SLC44A5: variants seen among roughly 807,000 people sequenced by gnomAD.
SLC44A5 encodes the protein choline transporter-like protein 5.
Under a neutral mutation model 101.8 loss-of-function variants are expected in SLC44A5, and 57 were observed. The ratio of observed to expected loss-of-function variants is 0.56; its 90% confidence interval spans 0.45 to 0.70. The LOEUF (loss-of-function observed/expected upper bound fraction) is 0.70. Among genes scored for constraint, SLC44A5 ranks in the 30% least tolerant of loss-of-function variants. The pLI, the probability that SLC44A5 is intolerant of heterozygous loss-of-function variation, is 0.00. For synonymous variants in SLC44A5, 281 were observed against 290.9 expected (o/e 0.97, Z 0.35); for missense variants, 737 against 853.1 (o/e 0.86, Z 1.70).
At chr1:75,469,480 T>A (rs546341468) in intron 2 of SLC44A5, among the ~76,000 whole-genome samples, 4 of 152,034 alleles carry the variant, frequency 2.6e-5, no homozygotes, top group Non-Finnish European at 4.4e-5. Context: ...AAAAGTGTAG[T>A]GAATTTCTTC....
intron 2 of SLC44A5, among the ~76,000 whole-genome samples, chr1:75,504,991 C>A (rs1669167365): frequency 6.6e-6 from 1 of 152,014 alleles, no homozygotes; most frequent in African/African-American, 2.4e-5. Flanking sequence ...CAGCTCTTTC[C>A]TCTTCCCCCT....
intron 1 of SLC44A5, among the ~76,000 whole-genome samples, chr1:75,593,751 A>G (rs1674484677): frequency 6.6e-6 from 1 of 152,098 alleles, no homozygotes; most frequent in African/African-American, 2.4e-5. Flanking sequence ...GACGAGTGTC[A>G]CATGTTCTCA....
chr1:75,398,404 T>C (rs1194549305), intron 2 of SLC44A5: 4 of 985,352 alleles, frequency 4.1e-6, no homozygotes, highest in Non-Finnish European at 3.6e-6. Flanking sequence ...GCAGGAAGCA[T>C]GTCAGTAATC....
intron 1 of SLC44A5, among the ~76,000 whole-genome samples, chr1:75,548,830 G>C (rs1237165716): frequency 1.3e-5 from 2 of 152,124 alleles, no homozygotes; most frequent in African/African-American, 4.8e-5. Flanking sequence ...GTCATAATTT[G>C]ACCACAGCCA....
intron 5 of SLC44A5, among the ~76,000 whole-genome samples, chr1:75,289,764 A>C (rs1653379759): frequency 6.6e-6 from 1 of 152,164 alleles, no homozygotes; most frequent in Non-Finnish European, 1.5e-5. Context: ...GACTAGGGTA[A>C]ATTTTTCTGG....
At position 75,263,427 on chromosome 1, in the gene SLC44A5, G is replaced by A. The variant is rs141288161; in HGVS notation, c.260+11531C>T. ...AGACAAATAAAATCAAAACCACAAT[G>A]AGATACCATCTCATGCCAGTTAGAA... On this transcript the variant is annotated intron_variant, in intron 6 of 23. Transcript: ENST00000370859. Among the ~76,000 whole-genome samples, 49 of 152,250 alleles carry A rather than the reference G, an allele frequency of 3.2e-4. No individual in the cohort carries two copies. In the East Asian group the frequency reaches 9.3e-3, roughly 29 times the overall value.
intron 1 of SLC44A5, among the ~76,000 whole-genome samples, chr1:75,549,041 G>A (rs541328068): frequency 3.9e-5 from 6 of 152,154 alleles, no homozygotes; most frequent in East Asian, 1.9e-4. Flanking sequence ...AACAATCCTC[G>A]TTGAAGACAG....
At chr1:75,317,370 A>G (rs1251045854) in intron 4 of SLC44A5, among the ~76,000 whole-genome samples, 1 of 152,232 alleles carries the variant, frequency 6.6e-6, no homozygotes. Context: ...AATGCCAGAG[A>G]CATAGTGTTC....
intron 2 of SLC44A5, among the ~76,000 whole-genome samples, chr1:75,539,035 C>A (rs1671204676): frequency 1.3e-5 from 2 of 152,146 alleles, no homozygotes; most frequent in African/African-American, 4.8e-5. Context: ...GAACCCACTC[C>A]AAAGAGTAAC....
chr1:75,457,750 G>C (rs549869946), intron 2 of SLC44A5, among the ~76,000 whole-genome samples: 42 of 152,254 alleles, frequency 2.8e-4, no homozygotes, highest in African/African-American at 9.6e-4. Flanking sequence ...CCAGCTACTA[G>C]GGAGGCTGAG....
rs1662134304 is a variant in SLC44A5, at chr1:75,396,564, T to C, written c.52+19A>G. On this transcript the variant is annotated intron_variant, in intron 3 of 23. Transcript: ENST00000370859. Reference sequence around the variant, plus strand: ...GTCATGAAAGATTCTTAGCACTTAATACTCAGACTATGACTTACCAAAGTC... The same window carrying C: ...GTCATGAAAGATTCTTAGCACTTAACACTCAGACTATGACTTACCAAAGTC... The C allele has an allele frequency of 6.3e-7, 1 of 1,592,664 alleles. No homozygotes were observed. Among genetic ancestry groups the C allele is most frequent in the East Asian group, 2.2e-5 (1 of 44,680 alleles).
the SLC44A5 span, among the ~76,000 whole-genome samples, chr1:75,683,941 A>T: frequency 6.6e-6 from 1 of 152,086 alleles, no homozygotes; most frequent in African/African-American, 2.4e-5. Context: ...GACAAAATTG[A>T]TGTATTAGTT....
At chr1:75,539,522 A>G (rs936488856) in intron 2 of SLC44A5, among the ~76,000 whole-genome samples, 1 of 151,878 alleles carries the variant, frequency 6.6e-6, no homozygotes, top group Admixed American at 6.6e-5. Flanking sequence ...GATCTACGTT[A>G]TTTTCTATGC....
the SLC44A5 span, among the ~76,000 whole-genome samples, chr1:75,675,119 T>G: frequency 6.6e-6 from 1 of 152,182 alleles, no homozygotes; most frequent in Non-Finnish European, 1.5e-5. Flanking sequence ...TCATACGAAT[T>G]TTAAAATATT....
intron 2 of SLC44A5, among the ~76,000 whole-genome samples, chr1:75,493,172 T>C (rs1245107335): frequency 1.3e-5 from 2 of 152,122 alleles, no homozygotes; most frequent in Non-Finnish European, 2.9e-5. Flanking sequence ...ATTAGTTGAG[T>C]TAATAAAGCC....
At chr1:75,280,518 CT>C (rs1293041109) in intron 5 of SLC44A5, among the ~76,000 whole-genome samples, 3 of 120,932 alleles carry the variant, frequency 2.5e-5, no homozygotes, top group Non-Finnish European at 4.9e-5. Context: ...AAAAAAACAC[CT>C]TTTCTTTATT....
chr1:75,333,842 G>A (rs1657241420), intron 4 of SLC44A5, among the ~76,000 whole-genome samples: 1 of 152,092 alleles, frequency 6.6e-6, no homozygotes, highest in South Asian at 2.1e-4. Context: ...ATTCCAAGAA[G>A]AGCCAATAGT....
the SLC44A5 span, among the ~76,000 whole-genome samples, chr1:75,658,416 A>C: frequency 8.5e-5 from 13 of 152,140 alleles, no homozygotes; most frequent in African/African-American, 2.9e-4. Context: ...AATCAACATT[A>C]TATTAAGTAT....
the SLC44A5 span, among the ~76,000 whole-genome samples, chr1:75,616,796 C>T: frequency 6.6e-5 from 10 of 152,180 alleles, no homozygotes; most frequent in Admixed American, 5.2e-4. Flanking sequence ...CCCTGAAGTT[C>T]TTAATAGTGA....
Sources: allele counts gnomAD v4.1 joint callset (sites outside exome capture counted in the v4.1 genomes callset), GRCh38; gene constraint gnomAD v4.1.1; transcripts MANE v1.5; gene names NCBI Gene and HGNC (gene_info 2026-07-23, HGNC 2026-07-21).